Variants in LOC128706666 observed in about 807,000 individuals in gnomAD.
the LOC128706666 span, among the ~76,000 whole-genome samples, chr20:10,422,322 T>C: frequency 1.3e-5 from 2 of 152,352 alleles, no homozygotes; most frequent in South Asian, 2.1e-4. Context: ...GTATACTATA[T>C]ACTTTTTGTA....
chr20:10,426,760 G>A, the LOC128706666 span, among the ~76,000 whole-genome samples: 1 of 152,098 alleles, frequency 6.6e-6, no homozygotes, highest in South Asian at 2.1e-4. Context: ...CATTTCACTT[G>A]TCCAAAATTA....
the LOC128706666 span, among the ~76,000 whole-genome samples, chr20:10,427,436 A>G: frequency 1.3e-5 from 2 of 152,256 alleles, no homozygotes; most frequent in Non-Finnish European, 2.9e-5. Flanking sequence ...TTAAAAACCA[A>G]TTAACCCAGC....
the LOC128706666 span, among the ~76,000 whole-genome samples, chr20:10,431,516 T>TA: frequency 3.4e-5 from 5 of 145,386 alleles, no homozygotes; most frequent in African/African-American, 1.4e-4. Context: ...CTCAATGCTG[T>TA]ATAGGGTCAA....
At chr20:10,432,711 G>T in the LOC128706666 span, among the ~76,000 whole-genome samples, 1 of 142,846 alleles carries the variant, frequency 7.0e-6, no homozygotes, top group African/African-American at 2.6e-5. Flanking sequence ...AGGGAGAATT[G>T]CTTGAACCCG....
the LOC128706666 span, chr20:10,431,885 G>C: frequency 1.3e-5 from 2 of 152,136 alleles, no homozygotes; most frequent in African/African-American, 2.4e-5. Context: ...CCTACTCAGA[G>C]AGCCTTTCTC....
At chr20:10,432,867 T>C in the LOC128706666 span, among the ~76,000 whole-genome samples, 1 of 148,436 alleles carries the variant, frequency 6.7e-6, no homozygotes. Flanking sequence ...CCTTAAATAA[T>C]CTCTAGGCTA....
At chr20:10,431,302 A>G in the LOC128706666 span, among the ~76,000 whole-genome samples, 1 of 152,166 alleles carries the variant, frequency 6.6e-6, no homozygotes, top group Non-Finnish European at 1.5e-5. Flanking sequence ...CATGTATCCC[A>G]CATTCACAAT....
the LOC128706666 span, among the ~76,000 whole-genome samples, chr20:10,416,887 A>T: frequency 6.6e-6 from 1 of 152,216 alleles, no homozygotes; most frequent in African/African-American, 2.4e-5. Context: ...ACTGTGTATG[A>T]GTGCTTTTAC....
the LOC128706666 span, among the ~76,000 whole-genome samples, chr20:10,432,273 C>A: frequency 1.7e-3 from 261 of 152,326 alleles, no homozygotes; most frequent in African/African-American, 5.9e-3. Context: ...TTTTCTATTG[C>A]CCAATCCTGC....
chr20:10,420,058 T>C, the LOC128706666 span, among the ~76,000 whole-genome samples: 1 of 152,194 alleles, frequency 6.6e-6, no homozygotes, highest in Non-Finnish European at 1.5e-5. Flanking sequence ...TAAGGGACTA[T>C]AGACCTAAAT....
At chr20:10,433,624 A>G in the LOC128706666 span, among the ~76,000 whole-genome samples, 7 of 152,318 alleles carry the variant, frequency 4.6e-5, no homozygotes, top group East Asian at 1.4e-3. Flanking sequence ...CAGCCCTGCA[A>G]GCCCCGCGGC....
chr20:10,427,374 A>T, the LOC128706666 span, among the ~76,000 whole-genome samples: 2 of 152,224 alleles, frequency 1.3e-5, no homozygotes, highest in Admixed American at 1.3e-4. Context: ...TGTAATTTTT[A>T]AAAACTTCCA....
the LOC128706666 span, among the ~76,000 whole-genome samples, chr20:10,424,264 G>GA: frequency 6.0e-5 from 9 of 149,144 alleles, no homozygotes; most frequent in East Asian, 3.9e-4. Context: ...AAATAAAAAG[G>GA]AAAAAAAAAG....
At chr20:10,431,776 C>CGTAGCAGAAAAG in the LOC128706666 span, 1 of 152,222 alleles carries the variant, frequency 6.6e-6, no homozygotes, top group African/African-American at 2.4e-5. Flanking sequence ...GTCTTCTCTG[C>CGTAGCAGAAAAG]TATATTCCTA....
the LOC128706666 span, among the ~76,000 whole-genome samples, chr20:10,425,184 T>C: frequency 6.6e-6 from 1 of 152,176 alleles, no homozygotes; most frequent in Admixed American, 6.6e-5. Context: ...CTTTTGGGTG[T>C]AACAAAAATG....
the LOC128706666 span, among the ~76,000 whole-genome samples, chr20:10,425,914 A>G: frequency 6.6e-6 from 1 of 152,238 alleles, no homozygotes; most frequent in Admixed American, 6.5e-5. Flanking sequence ...TAGAGAAATC[A>G]AGAGACATGA....
chr20:10,422,079 G>A, the LOC128706666 span, among the ~76,000 whole-genome samples: 1 of 152,058 alleles, frequency 6.6e-6, no homozygotes, highest in Non-Finnish European at 1.5e-5. Flanking sequence ...ATAGTACTGA[G>A]TTAAATAGTC....
chr20:10,423,532 G>A, the LOC128706666 span, among the ~76,000 whole-genome samples: 2 of 152,194 alleles, frequency 1.3e-5, no homozygotes, highest in Non-Finnish European at 2.9e-5. Flanking sequence ...ATGACAATCT[G>A]TAACACTAAT....
the LOC128706666 span, among the ~76,000 whole-genome samples, chr20:10,430,269 T>C: frequency 6.6e-6 from 1 of 152,212 alleles, no homozygotes; most frequent in Non-Finnish European, 1.5e-5. Flanking sequence ...TCATACCACC[T>C]GGCTTTGAAT....
Sources: gnomAD v4.1 joint callset for allele counts (sites outside exome capture counted in the v4.1 genomes callset) on GRCh38, gnomAD v4.1.1 for gene constraint, MANE v1.5 for transcripts.